CHST11: variants seen among roughly 807,000 people sequenced by gnomAD.
CHST11 encodes C4S-1.
A neutral mutation model predicts 30.4 loss-of-function variants in CHST11; 9 were observed. The observed-to-expected ratio is 0.30, with a 90% CI of 0.18 to 0.52. CHST11 has a LOEUF of 0.52. Ranked by LOEUF, CHST11 falls within the 20% of genes least tolerant of loss-of-function variation. The pLI is 0.97. For synonymous variants in CHST11, 152 were observed against 187.8 expected, an observed-to-expected ratio of 0.81 and a Z score of 1.56; for missense variants, 348 against 460.6, an observed-to-expected ratio of 0.76 and a Z score of 2.24.
chr12:104,750,454 T>TTTTTTTTTTTTTTG (rs1566064735), intron 2 of CHST11, among the ~76,000 whole-genome samples: 3 of 122,162 alleles, frequency 2.5e-5, no homozygotes, highest in Admixed American at 1.7e-4. Context: ...TTTTTTTTTT[T>TTTTTTTTTTTTTTG]TTGTTGAGAC....
intron 2 of CHST11, among the ~76,000 whole-genome samples, chr12:104,624,822 A>T (rs2039196273): frequency 6.6e-6 from 1 of 152,196 alleles, no homozygotes; most frequent in Non-Finnish European, 1.5e-5. Context: ...TCCAGGTGCC[A>T]GTAAGGTTGG....
intron 2 of CHST11, among the ~76,000 whole-genome samples, chr12:104,674,347 C>T (rs2039721798): frequency 6.6e-6 from 1 of 152,198 alleles, no homozygotes; most frequent in South Asian, 2.1e-4. Flanking sequence ...CCTGCCATAG[C>T]ACTTACTCTG....
chr12:104,499,947 A>G (rs2037836960), intron 1 of CHST11, among the ~76,000 whole-genome samples: 1 of 152,206 alleles, frequency 6.6e-6, no homozygotes, highest in Non-Finnish European at 1.5e-5. Flanking sequence ...TGATGGTGGT[A>G]AATAAGATTC....
intron 1 of CHST11, among the ~76,000 whole-genome samples, chr12:104,567,103 GT>G (rs2038575168): frequency 6.6e-6 from 1 of 152,274 alleles, no homozygotes; most frequent in African/African-American, 2.4e-5. Context: ...TGCAAAACTT[GT>G]TGCTGTCTCT....
intron 2 of CHST11, among the ~76,000 whole-genome samples, chr12:104,631,008 C>A (rs188942215): frequency 1.1e-3 from 169 of 152,300 alleles, no homozygotes; most frequent in African/African-American, 3.9e-3. Context: ...TTAGGTCTCA[C>A]TGACGTGTGG....
At chr12:104,717,369 C>T (rs927605684) in intron 2 of CHST11, among the ~76,000 whole-genome samples, 8 of 152,292 alleles carry the variant, frequency 5.3e-5, no homozygotes, top group African/African-American at 1.4e-4. Flanking sequence ...CCAGCGCTTC[C>T]TTCAGTAGGT....
chr12:104,500,825 G>T (rs935699118), intron 1 of CHST11, among the ~76,000 whole-genome samples: 2 of 152,210 alleles, frequency 1.3e-5, no homozygotes, highest in Non-Finnish European at 2.9e-5. Flanking sequence ...AATAAGAACG[G>T]AGTAGTGGAA....
Position 104,757,305 on chromosome 12 carries a change from GC to G in CHST11, c.564del (p.Phe189SerfsTer4). On this transcript the variant is annotated frameshift_variant, in exon 3 of 3. Transcript: ENST00000303694. LOFTEE classifies it high-confidence loss of function. This position sits in a 1 kb window ranked among gnomAD's most constrained non-coding sequence, Gnocchi z 6.5. ...SYMKFLFVRE[P>X]FERLVSAYRN... The stretch of plus-strand genomic sequence containing the variant: ...ACATGAAGTTCCTGTTTGTCCGGGA[GC>G]CCTTCGAGAGGCTAGTGTCCGCCTA... 1.2e-6 allele frequency: 2 copies of G among 1,614,084 alleles called. No individual in the cohort carries two copies. Among genetic ancestry groups the G allele is most frequent in the Non-Finnish European group, 1.7e-6 (2 of 1,180,034 alleles).
intron 1 of CHST11, among the ~76,000 whole-genome samples, chr12:104,567,851 G>C (rs550162473): frequency 6.6e-6 from 1 of 152,306 alleles, no homozygotes; most frequent in South Asian, 2.1e-4. Flanking sequence ...AAAGAGGCCT[G>C]AGGGAGCCTC....
intron 1 of CHST11, among the ~76,000 whole-genome samples, chr12:104,599,286 CAAAT>C (rs1300361288): frequency 2.0e-5 from 3 of 152,174 alleles, no homozygotes; most frequent in African/African-American, 7.2e-5. Context: ...TTGTATTAGA[CAAAT>C]AAACCAATTA....
intron 1 of CHST11, among the ~76,000 whole-genome samples, chr12:104,547,367 C>T (rs1039227460): frequency 1.3e-5 from 2 of 152,128 alleles, no homozygotes; most frequent in Non-Finnish European, 2.9e-5. Flanking sequence ...CGCCAGGAGC[C>T]GCAAGATTTT....
chr12:104,468,802 G>A (rs2037482476), intron 1 of CHST11, among the ~76,000 whole-genome samples: 3 of 152,104 alleles, frequency 2.0e-5, no homozygotes. Flanking sequence ...AAGAGATTTG[G>A]TCCCCTCATT....
intron 2 of CHST11, among the ~76,000 whole-genome samples, chr12:104,643,731 T>A (rs1312059967): frequency 6.6e-6 from 1 of 152,196 alleles, no homozygotes; most frequent in African/African-American, 2.4e-5. Context: ...TTGCCTGGAA[T>A]GGCTTATTCT....
chr12:104,649,857 T>C (rs1374953936), intron 2 of CHST11, among the ~76,000 whole-genome samples: 1 of 152,190 alleles, frequency 6.6e-6, no homozygotes, highest in Non-Finnish European at 1.5e-5. Flanking sequence ...AAAGTCACCT[T>C]GGAGAGCTCA....
At chr12:104,714,271 C>T (rs111530405) in intron 2 of CHST11, among the ~76,000 whole-genome samples, 3,537 of 152,318 alleles carry the variant, frequency 0.023, 87 homozygotes, top group Admixed American at 0.036. Flanking sequence ...CTTCCTGCTT[C>T]CTCTCCCACA....
At chr12:104,706,277 G>A (rs923207335) in intron 2 of CHST11, among the ~76,000 whole-genome samples, 6 of 151,746 alleles carry the variant, frequency 4.0e-5, no homozygotes, top group African/African-American at 7.3e-5. Context: ...CCAGCTACTC[G>A]GGAGGCTGAG....
intron 1 of CHST11, among the ~76,000 whole-genome samples, chr12:104,461,994 T>C (rs1015205130): frequency 2.0e-5 from 3 of 151,246 alleles, no homozygotes; most frequent in Non-Finnish European, 4.4e-5. Flanking sequence ...TGAATCCCCG[T>C]CTCTACTAAA....
chr12:104,579,860 G>A (rs933484508), intron 1 of CHST11, among the ~76,000 whole-genome samples: 18 of 152,210 alleles, frequency 1.2e-4, no homozygotes, highest in African/African-American at 3.9e-4. Flanking sequence ...CTAAGGTCTA[G>A]CAGTATCAAG....
At chr12:104,643,233 C>T (rs555601881) in intron 2 of CHST11, among the ~76,000 whole-genome samples, 33 of 152,254 alleles carry the variant, frequency 2.2e-4, no homozygotes, top group African/African-American at 7.2e-4. Context: ...GAGGCTGAGG[C>T]GGGAGGATAG....
Sources: gnomAD v4.1 joint callset for allele counts (sites outside exome capture counted in the v4.1 genomes callset) on GRCh38, gnomAD v4.1.1 for gene constraint, Gnocchi (gnomAD v3.1) non-coding constraint, MANE v1.5 for transcripts, NCBI Gene and HGNC (gene_info 2026-07-23, HGNC 2026-07-21) for gene names.